Variants in TNR observed in about 807,000 individuals in gnomAD.
The protein encoded by TNR is tenascin-R.
A neutral mutation model predicts 150.4 loss-of-function variants in TNR; 45 were observed. The ratio of observed to expected loss-of-function variants is 0.30; its 90% CI spans 0.24 to 0.38. The LOEUF is 0.38. TNR is among the 10% of genes least tolerant of loss of function. TNR has a pLI of 1.00. For synonymous variants in TNR, 687 were observed against 678.4 expected, an observed-to-expected ratio of 1.01 and a Z score of -0.20; for missense variants, 1,544 against 1,759.1, an observed-to-expected ratio of 0.88 and a Z score of 2.19.
At chr1:175,707,481 A>G (rs1459867364) in intron 1 of TNR, among the ~76,000 whole-genome samples, 2 of 152,238 alleles carry the variant, frequency 1.3e-5, no homozygotes, top group Non-Finnish European at 2.9e-5. Context: ...AGACCGTGGT[A>G]TGAAATGAAA....
chr1:175,323,492 A>G lies in TNR; in HGVS notation c.3958-16T>C, dbSNP rs766439257. The G allele has an allele frequency of 1.2e-6, 2 of 1,613,418 alleles. No homozygotes were observed. Among genetic ancestry groups the G allele is most frequent in the South Asian group, 2.2e-5 (2 of 90,968 alleles). On this transcript the variant is annotated splice_polypyrimidine_tract_variant and intron_variant, in intron 22 of 22. Transcript: ENST00000367674. ...AGTTGATGCCCTGGGCGTGAGAAAGATAAGCATGTCAGGTCATCCCCCACC... is the reference window on the plus strand; with the variant it reads ...AGTTGATGCCCTGGGCGTGAGAAAGGTAAGCATGTCAGGTCATCCCCCACC...
chr1:175,576,878 G>A (rs1662134428), intron 1 of TNR, among the ~76,000 whole-genome samples: 1 of 152,108 alleles, frequency 6.6e-6, no homozygotes, highest in South Asian at 2.1e-4. Flanking sequence ...ACTTATTTTA[G>A]TGCTCATTAT....
At chr1:175,520,619 T>C (rs1659599045) in intron 2 of TNR, among the ~76,000 whole-genome samples, 2 of 152,294 alleles carry the variant, frequency 1.3e-5, no homozygotes, top group East Asian at 3.9e-4. Flanking sequence ...CCAGGCCACA[T>C]AGCCAAGGAT....
At chr1:175,506,180 T>C (rs945351392) in intron 2 of TNR, among the ~76,000 whole-genome samples, 1 of 152,326 alleles carries the variant, frequency 6.6e-6, no homozygotes, top group East Asian at 1.9e-4. Context: ...GAAGGAACAC[T>C]GAGTAATAGA....
chr1:175,584,967 G>A (rs887123735), intron 1 of TNR, among the ~76,000 whole-genome samples: 3 of 152,200 alleles, frequency 2.0e-5, no homozygotes, highest in Non-Finnish European at 4.4e-5. Flanking sequence ...GAAGCAGTCT[G>A]GACAGGGGTG....
intron 2 of TNR, among the ~76,000 whole-genome samples, chr1:175,464,099 A>C (rs1429297672): frequency 6.6e-6 from 1 of 152,234 alleles, no homozygotes; most frequent in Non-Finnish European, 1.5e-5. Context: ...CACTTTCCTC[A>C]CAGGATCTAA....
At chr1:175,692,666 T>C (rs989427526) in intron 1 of TNR, among the ~76,000 whole-genome samples, 1 of 152,128 alleles carries the variant, frequency 6.6e-6, no homozygotes, top group Non-Finnish European at 1.5e-5. Flanking sequence ...GTTACTGCCC[T>C]GAATGGGTCC....
chr1:175,449,228 A>AT (rs1656197517), intron 2 of TNR, among the ~76,000 whole-genome samples: 1 of 152,116 alleles, frequency 6.6e-6, no homozygotes, highest in African/African-American at 2.4e-5. Context: ...GGTAAAAAAC[A>AT]TTTTTCCCAG....
chr1:175,356,159 C>G (rs935311788), intron 16 of TNR, among the ~76,000 whole-genome samples, 160 bp downstream of exon 16: 21 of 152,100 alleles, frequency 1.4e-4, no homozygotes, highest in African/African-American at 5.1e-4. Flanking sequence ...AAAGTTGCAG[C>G]TTAGTTTCAC....
At chr1:175,383,952 G>A (rs1297552615) in intron 8 of TNR, among the ~76,000 whole-genome samples, 3 of 152,234 alleles carry the variant, frequency 2.0e-5, no homozygotes, top group Non-Finnish European at 4.4e-5. Context: ...ACTGGAAACA[G>A]AAAGCCATGT....
intron 1 of TNR, among the ~76,000 whole-genome samples, chr1:175,565,880 T>G (rs1056240076): frequency 1.3e-5 from 2 of 152,098 alleles, no homozygotes; most frequent in African/African-American, 4.8e-5. Context: ...ATAAGGTATT[T>G]TGGGTGGGAA....
At chr1:175,358,021 C>T (rs190198534) in intron 15 of TNR, among the ~76,000 whole-genome samples, 30 of 152,248 alleles carry the variant, frequency 2.0e-4, no homozygotes, top group Non-Finnish European at 2.9e-4. Context: ...GTTGAAACCA[C>T]GACTTGAAGG....
intron 2 of TNR, among the ~76,000 whole-genome samples, chr1:175,488,248 G>A (rs1383557103): frequency 6.6e-6 from 1 of 152,212 alleles, no homozygotes; most frequent in African/African-American, 2.4e-5. Flanking sequence ...GATGGATTAG[G>A]CATTGAAAAT....
At chr1:175,375,852 C>G (rs1195264016) in intron 9 of TNR, among the ~76,000 whole-genome samples, 1 of 152,166 alleles carries the variant, frequency 6.6e-6, no homozygotes, top group Non-Finnish European at 1.5e-5. Context: ...GTGCCAGGCT[C>G]CATCCTAAGT....
rs542148424 is a variant in TNR at position 175,484,358 on chromosome 1, G to T, written c.-64+43911C>A. ...TCCTCTTTCCCTTTCTGTGATTCTT[G>T]CTGTGTTTCTGCTGGTCATGTATTA... is the stretch of plus-strand genomic sequence containing the variant. On this transcript the variant is annotated intron_variant, in intron 2 of 22. Coordinates refer to ENST00000367674, the MANE Select transcript of TNR (RefSeq NM_003285.3). Among the ~76,000 whole-genome samples the T allele has an allele frequency of 7.2e-5, 11 of 151,784 alleles. No homozygotes were observed. The East Asian group carries it at 2.1e-3, about 29-fold the overall frequency.
chr1:175,368,873 T>G (rs1215943177), intron 9 of TNR, among the ~76,000 whole-genome samples: 2 of 152,118 alleles, frequency 1.3e-5, no homozygotes, highest in Non-Finnish European at 2.9e-5. Context: ...CGCTTGAACC[T>G]GGGAGGCTGA....
intron 2 of TNR, among the ~76,000 whole-genome samples, chr1:175,478,345 A>G (rs1458084799): frequency 6.6e-6 from 1 of 152,222 alleles, no homozygotes; most frequent in Non-Finnish European, 1.5e-5. Context: ...CAGGACTTGG[A>G]TGAATTTAGA....
At chr1:175,385,755 G>A (rs1050941533) in intron 8 of TNR, among the ~76,000 whole-genome samples, 1 of 152,198 alleles carries the variant, frequency 6.6e-6, no homozygotes, top group African/African-American at 2.4e-5. Context: ...TTACAAACGG[G>A]AAACCTGAGG....
At chr1:175,656,120 G>A (rs1665164477) in intron 1 of TNR, among the ~76,000 whole-genome samples, 1 of 150,790 alleles carries the variant, frequency 6.6e-6, no homozygotes, top group African/African-American at 2.4e-5. Context: ...CCTTACAGGG[G>A]AAGACGGGGA....
Sources: gnomAD v4.1 joint callset for allele counts (sites outside exome capture counted in the v4.1 genomes callset) on GRCh38, gnomAD v4.1.1 for gene constraint, MANE v1.5 for transcripts, NCBI Gene and HGNC (gene_info 2026-07-23, HGNC 2026-07-21) for gene names.